The following NRXN1 variants were observed in gnomAD, a reference collection of about 807,000 sequenced individuals.
NRXN1 encodes the protein neurexin 1, also known as neurexin-1.
NRXN1 carries 39 observed loss-of-function variants against 150.9 expected under a neutral mutation model. The observed-to-expected ratio is 0.26, with a 90% CI of 0.20 to 0.34. The LOEUF (loss-of-function observed/expected upper bound fraction) is 0.34, where lower values mean the gene tolerates loss of function less well. NRXN1 is among the 10% of genes least tolerant of loss of function. The probability of loss-of-function intolerance (pLI) is 1.00; values close to 1 mark genes in which losing one functional copy is unlikely to be tolerated. For synonymous variants in NRXN1, 924 were observed against 757.0 expected (o/e 1.22, Z -3.62); for missense variants, 1,815 against 1,949.9 (o/e 0.93, Z 1.30).
At chr2:50,683,625 C>T (rs1690750936) in intron 5 of NRXN1, among the ~76,000 whole-genome samples, 1 of 9,386 alleles carries the variant, frequency 1.1e-4, no homozygotes, top group Admixed American at 1.1e-3. Flanking sequence ...GAGCAAGACT[C>T]CGTCTCAAAA....
intron 5 of NRXN1, among the ~76,000 whole-genome samples, chr2:50,752,946 C>T (rs963521058): frequency 3.3e-5 from 5 of 151,902 alleles, no homozygotes; most frequent in African/African-American, 1.2e-4. Flanking sequence ...TAATTAGATG[C>T]ATTTAATTCT....
intron 21 of NRXN1, among the ~76,000 whole-genome samples, chr2:49,957,708 A>G (rs189275667): frequency 6.6e-6 from 1 of 152,294 alleles, no homozygotes; most frequent in Admixed American, 6.5e-5. Flanking sequence ...TCTTTGAATT[A>G]TGTGCTCCAG....
chr2:50,752,923 ATG>A (rs1700764942), intron 5 of NRXN1, among the ~76,000 whole-genome samples: 1 of 151,970 alleles, frequency 6.6e-6, no homozygotes, highest in Admixed American at 6.6e-5. Flanking sequence ...AAATTAAGCA[ATG>A]TAATAGTTGA....
chr2:50,237,352 T>C (rs139588888), intron 17 of NRXN1, among the ~76,000 whole-genome samples: 17 of 152,114 alleles, frequency 1.1e-4, no homozygotes, highest in African/African-American at 3.9e-4. Context: ...ACACATCAAC[T>C]TGGTATTGAA....
intron 17 of NRXN1, among the ~76,000 whole-genome samples, chr2:50,253,224 G>A (rs2067334419): frequency 6.6e-6 from 1 of 152,054 alleles, no homozygotes; most frequent in South Asian, 2.1e-4. Flanking sequence ...TCTATTGGTG[G>A]TGTATAGGAA....
At chr2:50,551,077 G>GAAGAAGAA (rs1553775815) in intron 9 of NRXN1, among the ~76,000 whole-genome samples, 113 of 52,364 alleles carry the variant, frequency 2.2e-3, no homozygotes, top group African/African-American at 7.3e-3. Context: ...AAGAAGAAGA[G>GAAGAAGAA]GAGGAGGAGG....
At chr2:50,516,212 G>C (rs1474844450) in intron 12 of NRXN1, among the ~76,000 whole-genome samples, 2 of 152,122 alleles carry the variant, frequency 1.3e-5, no homozygotes, top group Non-Finnish European at 2.9e-5. Context: ...TAATTTGAGA[G>C]TCCATTGCAA....
chr2:50,764,910 C>T (rs952064564), intron 5 of NRXN1, among the ~76,000 whole-genome samples: 1 of 152,010 alleles, frequency 6.6e-6, no homozygotes, highest in African/African-American at 2.4e-5. Flanking sequence ...TGTAATAGTT[C>T]CTGCTGAAGA....
intron 18 of NRXN1, among the ~76,000 whole-genome samples, chr2:50,116,165 G>A (rs961418932): frequency 6.6e-6 from 1 of 152,062 alleles, no homozygotes; most frequent in East Asian, 1.9e-4. Context: ...TTTTTAAAGA[G>A]CTACGCAATT....
rs188535334 is a variant in NRXN1, at chr2:50,824,759, C to A, written c.832+97110G>T. ...GTCATGCAAGGCTAAAACAGACCAGCCTAGGAGCATGGATACAAACTGGAC... is the reference window on the plus strand; with the variant it reads ...GTCATGCAAGGCTAAAACAGACCAGACTAGGAGCATGGATACAAACTGGAC... On this transcript the variant is annotated intron_variant, in intron 5 of 22. Coordinates refer to ENST00000401669, the MANE Select transcript of NRXN1 (RefSeq NM_001330078.2). Among the ~76,000 whole-genome samples the A allele has an allele frequency of 6.8e-4, 103 of 152,158 alleles. No individual in the cohort carries two copies. In the East Asian group the frequency reaches 0.016, roughly 24 times the overall value.
At chr2:50,043,281 T>A (rs547707559) in intron 21 of NRXN1, among the ~76,000 whole-genome samples, 3 of 152,166 alleles carry the variant, frequency 2.0e-5, no homozygotes, top group Non-Finnish European at 2.9e-5. Flanking sequence ...AATTCTCTCT[T>A]TGGACAGTGG....
At chr2:50,209,833 A>AAATCTATGTTGTACTTC (rs1471555823) in intron 18 of NRXN1, among the ~76,000 whole-genome samples, 1 of 149,804 alleles carries the variant, frequency 6.7e-6, no homozygotes, top group East Asian at 2.0e-4. Flanking sequence ...TCATAGATTT[A>AAATCTATGTTGTACTTC]AATCTCAGTT....
chr2:50,678,053 G>T (rs1482689517), intron 5 of NRXN1, among the ~76,000 whole-genome samples: 3 of 151,958 alleles, frequency 2.0e-5, no homozygotes, highest in Admixed American at 6.6e-5. Flanking sequence ...TTGGGTAAGG[G>T]TCTGAGATAT....
chr2:50,916,051 G>A (rs530775585), intron 5 of NRXN1, among the ~76,000 whole-genome samples: 4 of 145,082 alleles, frequency 2.8e-5, no homozygotes, highest in Admixed American at 2.1e-4. Flanking sequence ...CGGCATTCTA[G>A]ATAAAAATCT....
At chr2:50,349,177 C>A (rs978662280) in intron 17 of NRXN1, among the ~76,000 whole-genome samples, 3 of 152,134 alleles carry the variant, frequency 2.0e-5, no homozygotes, top group Non-Finnish European at 4.4e-5. Context: ...AAAGATAATT[C>A]TTCAGTAGTA....
At position 50,495,970 on chromosome 2, in the gene NRXN1, G is replaced by A. The variant is rs1195389843; in HGVS notation, c.3005C>T (p.Thr1002Ile). The change falls in exon 15 of 23, where the codon ACT becomes ATT. Residue 1002 changes from threonine to isoleucine, a missense_variant. Thr to Ile is a moderately conservative substitution (Grantham distance 89). Around this residue, in one of 6 missense-constraint regions of NRXN1, gnomAD observed 339 missense variants for 440.3 expected, o/e 0.77. Transcript: ENST00000401669. ...MISRDTSNLH[T>I]VKIDTKITTQ... ...TGTGATTTTTGTGTCAATCTTTACA[G>A]TGTGGAGGTTGCTGGTGTCCCTTGA... The A allele has an allele frequency of 6.2e-7, 1 of 1,613,404 alleles. No individual in the cohort carries two copies. Among genetic ancestry groups the A allele is most frequent in the African/African-American group, 1.3e-5 (1 of 74,904 alleles).
chr2:51,021,964 A>G (rs1669682070), intron 2 of NRXN1, among the ~76,000 whole-genome samples: 2 of 152,090 alleles, frequency 1.3e-5, no homozygotes, highest in Non-Finnish European at 2.9e-5. Context: ...ATTTTTTAAC[A>G]TATTTTGAGT....
chr2:50,993,846 G>T (rs1039833263), intron 2 of NRXN1, among the ~76,000 whole-genome samples: 1 of 151,966 alleles, frequency 6.6e-6, no homozygotes, highest in Admixed American at 6.6e-5. Flanking sequence ...TAAGAGGAAA[G>T]GTTGATGATT....
chr2:50,013,815 T>G (rs1246758444), intron 21 of NRXN1, among the ~76,000 whole-genome samples: 3 of 152,158 alleles, frequency 2.0e-5, no homozygotes, highest in Non-Finnish European at 4.4e-5. Context: ...GAAAGACATT[T>G]CTTATTTTTG....
Sources: gnomAD v4.1 joint callset for allele counts (sites outside exome capture counted in the v4.1 genomes callset) on GRCh38, gnomAD v4.1.1 for gene constraint, gnomAD v4.1.1 regional missense constraint, MANE v1.5 for transcripts, NCBI Gene and HGNC (gene_info 2026-07-23, HGNC 2026-07-21) for gene names.